PLXNA4: variants seen among roughly 807,000 people sequenced by gnomAD.
PLXNA4 encodes plexin-A4.
PLXNA4 carries 44 observed loss-of-function variants against 191.8 expected under a neutral mutation model. That is an observed-to-expected ratio of 0.23 (90% CI 0.18 to 0.29). The LOEUF (loss-of-function observed/expected upper bound fraction) is 0.29. Ranked by LOEUF, PLXNA4 falls within the 10% of genes least tolerant of loss-of-function variation. The pLI, the probability that PLXNA4 is intolerant of heterozygous loss-of-function variation, is 1.00. For missense variants in PLXNA4, 1,800 were observed against 2,488.8 expected, an observed-to-expected ratio of 0.72 and a Z score of 5.89; for synonymous variants, 1,082 against 1,009.5, an observed-to-expected ratio of 1.07 and a Z score of -1.36.
chr7:132,248,855 ATT>A (rs34329999), intron 4 of PLXNA4, among the ~76,000 whole-genome samples: 114 of 151,276 alleles, frequency 7.5e-4, no homozygotes, highest in African/African-American at 2.3e-3. Context: ...TCAGAAAATG[ATT>A]TTTTTTTTTC....
intron 3 of PLXNA4, among the ~76,000 whole-genome samples, chr7:132,476,391 T>C (rs1248268449): frequency 6.6e-6 from 1 of 152,184 alleles, no homozygotes; most frequent in African/African-American, 2.4e-5. Context: ...GTTTAAGACA[T>C]GTTGGCCAAA....
At chr7:132,132,016 C>T (rs60506766) in intron 31 of PLXNA4, among the ~76,000 whole-genome samples, 20,223 of 152,240 alleles carry the variant, frequency 0.13, 2,725 homozygotes, top group African/African-American at 0.34. Flanking sequence ...CAAGCTTCAG[C>T]TTCTCTTACT....
chr7:132,572,596 C>A (rs1346174930), intron 1 of PLXNA4, among the ~76,000 whole-genome samples: 1 of 152,206 alleles, frequency 6.6e-6, no homozygotes, highest in Non-Finnish European at 1.5e-5. Flanking sequence ...CCAGGGGAAT[C>A]AGGACCCCTG....
intron 4 of PLXNA4, among the ~76,000 whole-genome samples, chr7:132,255,753 C>T (rs1441882386): frequency 6.6e-6 from 1 of 152,214 alleles, no homozygotes; most frequent in Non-Finnish European, 1.5e-5. Flanking sequence ...CAGCACAGCC[C>T]CAGAACTTTC....
At chr7:132,525,385 G>C (rs1799359904) in intron 1 of PLXNA4, among the ~76,000 whole-genome samples, 1 of 152,110 alleles carries the variant, frequency 6.6e-6, no homozygotes, top group African/African-American at 2.4e-5. Flanking sequence ...GGGTAGCTGG[G>C]ACAGCATGCA....
intron 2 of PLXNA4, among the ~76,000 whole-genome samples, chr7:132,618,464 G>A (rs1425471983): frequency 6.6e-6 from 1 of 152,184 alleles, no homozygotes; most frequent in Non-Finnish European, 1.5e-5. Context: ...AATATGTGTT[G>A]ACCAAGTGAA....
At chr7:132,195,548 G>A (rs984856370) in intron 13 of PLXNA4, among the ~76,000 whole-genome samples, 1 of 152,162 alleles carries the variant, frequency 6.6e-6, no homozygotes, top group African/African-American at 2.4e-5. Flanking sequence ...AAGAAGTCTG[G>A]ACCATGCACT....
chr7:132,646,955 G>A lies in PLXNA4; in HGVS notation c.-202-912C>T, dbSNP rs529960365. ...CAGTCACACACATATACAAACACACGCTGTCATACACTCACAAATACCCAC... is the reference window on the plus strand; with the variant it reads ...CAGTCACACACATATACAAACACACACTGTCATACACTCACAAATACCCAC... On this transcript the variant is annotated intron_variant, in intron 1 of 4. Transcript: ENST00000378539. 2.5e-4 allele frequency among the ~76,000 whole-genome samples: 35 copies of A among 139,832 alleles called. No homozygotes were observed. In the East Asian group the frequency reaches 6.6e-3, roughly 26 times the overall value. The allele number at this position is 139,832 out of a possible 152,430, so 91.7% of individuals were successfully genotyped here.
chr7:132,636,493 T>C (rs1803610388), intron 2 of PLXNA4, among the ~76,000 whole-genome samples: 1 of 152,114 alleles, frequency 6.6e-6, no homozygotes, highest in Non-Finnish European at 1.5e-5. Context: ...CAGGAGTGAT[T>C]GGTTATTATC....
intron 2 of PLXNA4, among the ~76,000 whole-genome samples, chr7:132,502,867 G>T (rs78875458): frequency 0.02 from 3,085 of 152,234 alleles, 76 homozygotes; most frequent in African/African-American, 0.057. Flanking sequence ...TTTCCAGACA[G>T]CCGGGAGGTC....
At chr7:132,511,296 T>G (rs1798705398) in intron 1 of PLXNA4, among the ~76,000 whole-genome samples, 1 of 152,218 alleles carries the variant, frequency 6.6e-6, no homozygotes, top group Non-Finnish European at 1.5e-5. Context: ...TATTCCTATT[T>G]CAGGTGAGGA....
chr7:132,640,575 A>G (rs1803722060), intron 2 of PLXNA4, among the ~76,000 whole-genome samples: 1 of 152,244 alleles, frequency 6.6e-6, no homozygotes, highest in Admixed American at 6.5e-5. Flanking sequence ...CAAGCAAGAA[A>G]GAGAGCTGTC....
intron 4 of PLXNA4, among the ~76,000 whole-genome samples, chr7:132,265,065 A>G (rs1799798797): frequency 6.6e-6 from 1 of 152,214 alleles, no homozygotes; most frequent in Non-Finnish European, 1.5e-5. Context: ...TTAAACAACG[A>G]CAAATGCAAC....
intron 1 of PLXNA4, among the ~76,000 whole-genome samples, chr7:132,547,179 C>T (rs577701834): frequency 6.6e-6 from 1 of 152,190 alleles, no homozygotes; most frequent in Non-Finnish European, 1.5e-5. Context: ...ATGATGCTTG[C>T]TCTGGGCCCA....
At chr7:132,347,965 C>A (rs1461139086) in intron 3 of PLXNA4, among the ~76,000 whole-genome samples, 1 of 152,132 alleles carries the variant, frequency 6.6e-6, no homozygotes, top group Non-Finnish European at 1.5e-5. Context: ...GGATGGCTCT[C>A]CTGGGACAGC....
At chr7:132,274,460 A>T (rs1800197137) in intron 4 of PLXNA4, among the ~76,000 whole-genome samples, 1 of 152,106 alleles carries the variant, frequency 6.6e-6, no homozygotes, top group Non-Finnish European at 1.5e-5. Flanking sequence ...GTACAATACC[A>T]CGACCTAAGC....
chr7:132,297,253 C>T (rs906223078), intron 4 of PLXNA4, among the ~76,000 whole-genome samples: 1 of 152,096 alleles, frequency 6.6e-6, no homozygotes, highest in Non-Finnish European at 1.5e-5. Context: ...GGGCAGCTCC[C>T]GAGAATGACC....
chr7:132,601,300 A>G (rs1256053212), intron 2 of PLXNA4, among the ~76,000 whole-genome samples: 1 of 152,142 alleles, frequency 6.6e-6, no homozygotes, highest in Non-Finnish European at 1.5e-5. Flanking sequence ...AAAAAACAGT[A>G]AACATTTCTG....
At position 132,290,609 on chromosome 7, in the gene PLXNA4, G is replaced by T. The variant is rs189723145; in HGVS notation, c.1503+7482C>A. On this transcript the variant is annotated intron_variant, in intron 4 of 31. Transcript: ENST00000321063. ...ATACATGCATACACATACAAAGCAA[G>T]AAGGAGGCTAACAGAGACACACAGA... 2.0e-4 allele frequency among the ~76,000 whole-genome samples: 30 copies of T among 152,298 alleles called. No individual in the cohort carries two copies. The East Asian group carries it at 5.4e-3, about 27-fold the overall frequency.
Sources: gnomAD v4.1 joint callset for allele counts (sites outside exome capture counted in the v4.1 genomes callset) on GRCh38, gnomAD v4.1.1 for gene constraint, MANE v1.5 for transcripts, NCBI Gene and HGNC (gene_info 2026-07-23, HGNC 2026-07-21) for gene names.